Variants in PRRC1 observed in about 807,000 individuals in gnomAD.
PRRC1 encodes the protein protein PRRC1.
Under a neutral mutation model 40.7 loss-of-function variants are expected in PRRC1, and 39 were observed. That is an observed-to-expected ratio of 0.96 (90% confidence interval 0.74 to 1.25). PRRC1 has a LOEUF of 1.25. PRRC1 is among the 50% of genes most tolerant of loss of function. The probability of loss-of-function intolerance (pLI) is 0.00; values close to 1 mark genes in which losing one functional copy is unlikely to be tolerated. For synonymous variants in PRRC1, 175 were observed against 193.3 expected, an observed-to-expected ratio of 0.91 and a Z score of 0.79; for missense variants, 573 against 548.3, an observed-to-expected ratio of 1.05 and a Z score of -0.45.
Position 127,547,880 on chromosome 5 carries a change from T to C in PRRC1, c.1087T>C (p.Phe363Leu), listed in dbSNP as rs1322258617. The C allele has an allele frequency of 6.2e-7, 1 of 1,613,746 alleles. No individual in the cohort carries two copies. The highest frequency in any genetic ancestry group is 1.1e-5 in the South Asian group (1 of 91,050). The part of the protein sequence containing the change: ...DPVHGIHLET[F>L]TQATPVPLEF... Reference sequence around the variant, plus strand: ...TGTCCATGGCATTCATCTAGAAACATTTACACAAGCCACACCAGTGCCTTT... The same window carrying C: ...TGTCCATGGCATTCATCTAGAAACACTTACACAAGCCACACCAGTGCCTTT... The change falls in exon 8 of 9, where the codon TTT (phenylalanine) becomes CTT (leucine). Residue 363 changes from phenylalanine to leucine, a missense_variant. Physicochemically the swap from Phe to Leu is conservative, Grantham distance 22 (BLOSUM62 0). Coordinates refer to ENST00000296666, the MANE Select transcript of PRRC1 (RefSeq NM_130809.5).
At chr5:127,527,634 C>T (rs1272525867) in intron 4 of PRRC1, among the ~76,000 whole-genome samples, 3 of 151,724 alleles carry the variant, frequency 2.0e-5, no homozygotes, top group African/African-American at 4.8e-5. Flanking sequence ...GTAGCGTGTG[C>T]CTGTGGTCCC....
At chr5:127,536,414 A>G (rs1580940486) in intron 6 of PRRC1, among the ~76,000 whole-genome samples, 1 of 152,100 alleles carries the variant, frequency 6.6e-6, no homozygotes, top group Admixed American at 6.6e-5. Flanking sequence ...TTTTTACTTG[A>G]AAAACTGGAA....
In PRRC1 at chr5:127,530,364, C is replaced by T; in HGVS notation, c.725C>T (p.Thr242Ile). 4 of 1,613,808 alleles carry T rather than the reference C, an allele frequency of 2.5e-6. No individual in the cohort carries two copies. Among genetic ancestry groups the T allele is most frequent in the Non-Finnish European group, 3.4e-6 (4 of 1,179,852 alleles). Reference sequence around the variant, plus strand: ...AAACATTCAGTAGAAAGCATGATTACAACGCTGGACCCTGGCATGGCTCCC... The same window carrying T: ...AAACATTCAGTAGAAAGCATGATTATAACGCTGGACCCTGGCATGGCTCCC... Reference protein sequence around the residue: ...KTKHSVESMITTLDPGMAPYI... With the variant: ...KTKHSVESMIITLDPGMAPYI... The change falls in exon 5 of 9, where the codon ACA becomes ATA. Residue 242 changes from threonine to isoleucine, a missense_variant. Thr to Ile is a moderately conservative substitution (Grantham distance 89). Coordinates refer to ENST00000296666, the MANE Select transcript of PRRC1 (RefSeq NM_130809.5).
intron 4 of PRRC1, among the ~76,000 whole-genome samples, chr5:127,528,672 A>T (rs1472028043): frequency 1.3e-5 from 2 of 151,952 alleles, no homozygotes; most frequent in South Asian, 4.2e-4. Flanking sequence ...TCACTACGAT[A>T]CTGTGATAAA....
intron 7 of PRRC1, 122 bp downstream of exon 7, chr5:127,539,265 C>T: frequency 3.0e-6 from 2 of 663,720 alleles, no homozygotes; most frequent in South Asian, 3.7e-5. Flanking sequence ...TTGATGCTGG[C>T]TATATCACTT....
At position 127,552,132 on chromosome 5, in the gene PRRC1, A is replaced by G. The variant is rs963211739; in HGVS notation, c.*216A>G. 2.2e-6 allele frequency: 3 copies of G among 1,353,420 alleles called. No homozygotes were observed. In the African/African-American group the frequency reaches 4.4e-5, roughly 20 times the overall value. 83.8% of individuals were successfully genotyped at this position (1,353,420 alleles called of 1,614,324 possible). On this transcript the variant is annotated 3_prime_UTR_variant, in exon 9 of 9. Transcript: ENST00000296666. ...TTATAGTCATACCATTTCACCTATC[A>G]TAGTACTCAAAAAAGAAAATATACA...
chr5:127,530,241 C>G, intron 4 of PRRC1, 53 bp from the exon 5 acceptor site: 1 of 1,485,968 alleles, frequency 6.7e-7, no homozygotes, highest in South Asian at 1.2e-5. Context: ...TCATGAAGAT[C>G]ATGGTGTTCC....
chr5:127,534,179 C>G (rs1767840552), intron 6 of PRRC1, among the ~76,000 whole-genome samples: 1 of 152,092 alleles, frequency 6.6e-6, no homozygotes, highest in South Asian at 2.1e-4. Flanking sequence ...TCCTCTCTTT[C>G]ATACTTTATT....
rs370722128 is a variant in PRRC1, at chr5:127,541,274, G to C, written c.1025+2131G>C. The stretch of plus-strand genomic sequence containing the variant: ...TTTGATGTGCTGCTGGATTCAGTTT[G>C]CCAGTATTTTATTGAGGATTCTTGC... On this transcript the variant is annotated intron_variant, in intron 7 of 8. Transcript: ENST00000296666. Among the ~76,000 whole-genome samples the C allele has an allele frequency of 2.0e-5, 3 of 152,292 alleles. No individual in the cohort carries two copies. In the East Asian group the frequency reaches 5.8e-4, roughly 29 times the overall value.
intron 5 of PRRC1, among the ~76,000 whole-genome samples, chr5:127,531,275 T>C (rs562791615): frequency 4.6e-4 from 70 of 152,318 alleles, no homozygotes; most frequent in Admixed American, 9.2e-4. Flanking sequence ...ATGTAAGTTA[T>C]CACCCTAGAT....
At chr5:127,548,610 T>C (rs971946743) in intron 8 of PRRC1, 6 of 152,108 alleles carry the variant, frequency 3.9e-5, no homozygotes, top group Non-Finnish European at 7.4e-5. Context: ...TTGTAGTTTG[T>C]ACATTGTTAA....
intron 4 of PRRC1, among the ~76,000 whole-genome samples, chr5:127,529,756 A>T (rs1460196721): frequency 6.6e-6 from 1 of 152,190 alleles, no homozygotes; most frequent in Non-Finnish European, 1.5e-5. Context: ...GGAATGTACA[A>T]AACAAGAAAC....
At chr5:127,522,033 T>C (rs748371248) in intron 1 of PRRC1, among the ~76,000 whole-genome samples, 9 of 152,242 alleles carry the variant, frequency 5.9e-5, no homozygotes, top group Non-Finnish European at 8.8e-5. Context: ...TGTACTAGAC[T>C]GTAAGTATCC....
rs496004 is a variant in PRRC1 at position 127,553,001 on chromosome 5, A to T, written c.*1085A>T. On this transcript the variant is annotated 3_prime_UTR_variant, in exon 9 of 9. Coordinates refer to ENST00000296666, the MANE Select transcript of PRRC1 (RefSeq NM_130809.5). ...GCCTTTTCCCCTCAAATAATATATT[A>T]TATCATTTTTGGACTTATATAAATG... 192,780 of 745,600 alleles carry T rather than the reference A, an allele frequency of 0.26. 25,926 individuals are homozygous for T. The highest frequency in any genetic ancestry group is 0.53 in the East Asian group (3,893 of 7,342). The allele number at this position is 745,600 out of a possible 1,614,324, so 46.2% of individuals were successfully genotyped here. A position where few individuals can be genotyped will look rare whatever the true frequency, so the allele number is the denominator to read the frequency against.
At chr5:127,542,269 G>T (rs367832303) in intron 7 of PRRC1, among the ~76,000 whole-genome samples, 73 of 151,926 alleles carry the variant, frequency 4.8e-4, no homozygotes, top group African/African-American at 1.4e-3. Context: ...TCTTTTACAT[G>T]TGCTGAGGAG....
chr5:127,520,879 G>A (rs1175725758), intron 1 of PRRC1, among the ~76,000 whole-genome samples: 1 of 152,190 alleles, frequency 6.6e-6, no homozygotes, highest in African/African-American at 2.4e-5. Context: ...GATCATTGTA[G>A]TGTAGTTATG....
In PRRC1 at chr5:127,553,370, C is replaced by G. The variant is rs1768441740; in HGVS notation, c.*1454C>G. On this transcript the variant is annotated 3_prime_UTR_variant, in exon 9 of 9. Coordinates refer to ENST00000296666, the MANE Select transcript of PRRC1 (RefSeq NM_130809.5). ...TTACTTTCCAAGCACTGTATAATGA[C>G]TGTTCAGTGAATATCAGACTTCCGT... is the stretch of plus-strand genomic sequence containing the variant. The G allele has an allele frequency of 9.9e-7, 1 of 1,008,936 alleles. No individual in the cohort carries two copies. The highest frequency in any genetic ancestry group is 1.7e-5 in the African/African-American group (1 of 57,328). 62.5% of individuals were successfully genotyped at this position (1,008,936 alleles called of 1,614,324 possible).
chr5:127,547,545 G>A (rs1189159383), intron 7 of PRRC1, among the ~76,000 whole-genome samples: 1 of 151,946 alleles, frequency 6.6e-6, no homozygotes, highest in African/African-American at 2.4e-5. Context: ...CCCTTACTTT[G>A]ATTATTCTCC....
Position 127,547,927 on chromosome 5 carries a change from T to G in PRRC1, c.1128+6T>G. 1 of 1,584,202 alleles carries G rather than the reference T, an allele frequency of 6.3e-7. No homozygotes were observed. The highest frequency in any genetic ancestry group is 8.7e-7 in the Non-Finnish European group (1 of 1,152,786). On this transcript the variant is annotated splice_donor_region_variant and intron_variant, in intron 8 of 8. Coordinates refer to ENST00000296666, the MANE Select transcript of PRRC1 (RefSeq NM_130809.5). ...CTTTGGAATTTGTACAGCAGGTTGG[T>G]TTTCTCCTTTGCTTTTTCATTATGC...
Sources: gnomAD v4.1 joint callset for allele counts (sites outside exome capture counted in the v4.1 genomes callset) on GRCh38, gnomAD v4.1.1 for gene constraint, MANE v1.5 for transcripts, NCBI Gene and HGNC (gene_info 2026-07-23, HGNC 2026-07-21) for gene names.